The following CYP2C18 variants were observed in gnomAD, a reference collection of about 807,000 sequenced individuals.
CYP2C18 encodes cytochrome P450 2C18.
In CYP2C18, 38 loss-of-function variants were observed where a neutral mutation model predicts 41.3. The ratio of observed to expected loss-of-function variants is 0.92; its 90% CI spans 0.71 to 1.21. The LOEUF (loss-of-function observed/expected upper bound fraction) is 1.21. Ranked by LOEUF, CYP2C18 falls within the 50% of genes most tolerant of loss-of-function variation. The pLI is 0.00. For missense variants in CYP2C18, 635 were observed against 591.4 expected (o/e 1.07, Z -0.77); for synonymous variants, 236 against 210.0 (o/e 1.12, Z -1.07).
At chr10:94,723,681 C>T (rs1847685583) in intron 6 of CYP2C18, among the ~76,000 whole-genome samples, 1 of 151,926 alleles carries the variant, frequency 6.6e-6, no homozygotes, top group Non-Finnish European at 1.5e-5. Context: ...AATGTGTGTG[C>T]ATGTTTCTGT....
At chr10:94,721,822 G>GGTGT (rs147568864) in intron 6 of CYP2C18, among the ~76,000 whole-genome samples, 1 of 150,720 alleles carries the variant, frequency 6.6e-6, no homozygotes, top group African/African-American at 2.4e-5. Context: ...AGTAGTGCAT[G>GGTGT]GTGTGTGTGT....
chr10:94,719,789 G>C (rs1440033780), intron 5 of CYP2C18, among the ~76,000 whole-genome samples: 1 of 152,064 alleles, frequency 6.6e-6, no homozygotes, highest in African/African-American at 2.4e-5. Flanking sequence ...TGCCCAGGCT[G>C]GTCTCGAACT....
At chr10:94,718,388 A>C (rs1847592077) in intron 5 of CYP2C18, among the ~76,000 whole-genome samples, 1 of 152,060 alleles carries the variant, frequency 6.6e-6, no homozygotes, top group African/African-American at 2.4e-5. Flanking sequence ...TGCCATCAGC[A>C]AACAGAGACA....
chr10:94,684,366 C>A (rs1361058984), intron 1 of CYP2C18, among the ~76,000 whole-genome samples: 1 of 152,128 alleles, frequency 6.6e-6, no homozygotes, highest in Non-Finnish European at 1.5e-5. Context: ...TCTCCACCTG[C>A]CAGCCTCTGG....
In CYP2C18 at chr10:94,733,301, C is replaced by T. The variant is rs1126545; in HGVS notation, c.1154C>T (p.Thr385Met). The T allele has an allele frequency of 0.16, 262,760 of 1,610,372 alleles. 23,809 individuals carry two copies. Among genetic ancestry groups the T allele is most frequent in the South Asian group, 0.32 (29,317 of 90,660 alleles). The change falls in exon 8 of 9, where the codon ACG (threonine) becomes ATG (methionine). Residue 385 changes from threonine (T) to methionine (M), a missense_variant. By Grantham distance (81) the Thr-to-Met change is moderately conservative. Coordinates refer to ENST00000285979, the MANE Select transcript of CYP2C18 (RefSeq NM_000772.3). ...TGTCTGTTTTGCTATTTTCAGGGCACGACCATAATAACATCCCTGACTTCT... is the reference window on the plus strand; with the variant it reads ...TGTCTGTTTTGCTATTTTCAGGGCATGACCATAATAACATCCCTGACTTCT... ...KFKNYLIPKG[T>M]TIITSLTSVL...
At chr10:94,684,055 A>G in intron 1 of CYP2C18, 68 bp downstream of exon 1, 1 of 1,149,206 alleles carries the variant, frequency 8.7e-7, no homozygotes, top group Non-Finnish European at 1.2e-6. Flanking sequence ...TTAAAGTTTT[A>G]TTTCATTTTA....
At position 94,706,961 on chromosome 10, in the gene CYP2C18, G is replaced by A. The variant is rs1847356118; in HGVS notation, c.819+1G>A. The stretch of plus-strand genomic sequence containing the variant: ...TTGTTTCCTGATCAAAATGGAACAG[G>A]TAAAATGTTATTTGTTTGCCTGCAT... On this transcript the variant is annotated splice_donor_variant, in intron 5 of 8. Coordinates refer to ENST00000285979, the MANE Select transcript of CYP2C18 (RefSeq NM_000772.3). LOFTEE classifies it high-confidence loss of function. 5.0e-6 allele frequency: 8 copies of A among 1,602,240 alleles called. No homozygotes were observed. The highest frequency in any genetic ancestry group is 6.8e-6 in the Non-Finnish European group (8 of 1,176,542).
intron 7 of CYP2C18, among the ~76,000 whole-genome samples, chr10:94,731,539 G>C (rs1208261136): frequency 6.6e-6 from 1 of 152,034 alleles, no homozygotes; most frequent in African/African-American, 2.4e-5. Context: ...AACAAAGCTG[G>C]AGTCGTCACG....
At chr10:94,699,835 A>T (rs1193796365) in intron 4 of CYP2C18, among the ~76,000 whole-genome samples, 1 of 152,214 alleles carries the variant, frequency 6.6e-6, no homozygotes, top group African/African-American at 2.4e-5. Flanking sequence ...CACCAATAAC[A>T]GAGAAACAGA....
chr10:94,709,411 A>G (rs897466614), intron 5 of CYP2C18, among the ~76,000 whole-genome samples: 1 of 152,150 alleles, frequency 6.6e-6, no homozygotes, highest in African/African-American at 2.4e-5. Context: ...TCTTTGGATA[A>G]AAGTATATTC....
At chr10:94,693,163 A>T (rs1847043360) in intron 3 of CYP2C18, among the ~76,000 whole-genome samples, 1 of 152,028 alleles carries the variant, frequency 6.6e-6, no homozygotes, top group Admixed American at 6.6e-5. Flanking sequence ...TAAAGTATAT[A>T]AAAAAAAGTG....
chr10:94,732,139 C>T (rs1847844447), intron 7 of CYP2C18, among the ~76,000 whole-genome samples: 1 of 152,010 alleles, frequency 6.6e-6, no homozygotes, highest in Admixed American at 6.6e-5. Flanking sequence ...AAACAGAAAA[C>T]AAATAATGCC....
chr10:94,706,732 A>C (rs1847349329), intron 4 of CYP2C18, 52 bp from the exon 5 acceptor site: 1 of 1,013,768 alleles, frequency 9.9e-7, no homozygotes, highest in Non-Finnish European at 1.4e-6. Context: ...GACTTATGGC[A>C]TATGTCTTCA....
chr10:94,701,995 T>TAA lies in CYP2C18; in HGVS notation c.643-4780_643-4779dup, dbSNP rs566454665. On this transcript the variant is annotated intron_variant, in intron 4 of 8. Coordinates refer to ENST00000285979, the MANE Select transcript of CYP2C18 (RefSeq NM_000772.3). ...TTGTTTCATAAAACAATGTCACTGG[T>TAA]AAAAAAAAAATAAAAAAGAAATTCT... is the stretch of plus-strand genomic sequence containing the variant. Among the ~76,000 whole-genome samples, 5 of 149,652 alleles carry TAA rather than the reference T, an allele frequency of 3.3e-5. No individual in the cohort carries two copies. The South Asian group carries it at 8.5e-4, about 25-fold the overall frequency.
chr10:94,699,562 A>T (rs148260422), intron 4 of CYP2C18, among the ~76,000 whole-genome samples: 3,995 of 152,268 alleles, frequency 0.026, 82 homozygotes, highest in South Asian at 0.042. Flanking sequence ...CTTTGAAAAC[A>T]GGCACAAGAC....
In CYP2C18 at chr10:94,698,038, T is replaced by C. The variant is rs563574708; in HGVS notation, c.642+2961T>C. Among the ~76,000 whole-genome samples, 8 of 152,280 alleles carry C rather than the reference T, an allele frequency of 5.3e-5. No homozygotes were observed. In the East Asian group the frequency reaches 1.5e-3, roughly 29 times the overall value. On this transcript the variant is annotated intron_variant, in intron 4 of 8. Transcript: ENST00000285979. ...CTCCCACACAATAATAATGGGAGAC[T>C]TTAACACCCCACTGTCAACATTAGA...
intron 3 of CYP2C18, among the ~76,000 whole-genome samples, chr10:94,691,706 G>A (rs201929080): frequency 0.021 from 3,157 of 152,158 alleles, 113 homozygotes; most frequent in African/African-American, 0.064. Flanking sequence ...AAAAGAGCCC[G>A]CATTGCCAAG....
intron 5 of CYP2C18, among the ~76,000 whole-genome samples, chr10:94,712,075 T>A (rs1847447498): frequency 6.7e-6 from 1 of 148,202 alleles, no homozygotes; most frequent in Non-Finnish European, 1.5e-5. Context: ...CTTGAACTTC[T>A]GGGCTCAAGC....
At chr10:94,696,226 C>A (rs547580382) in intron 4 of CYP2C18, among the ~76,000 whole-genome samples, 1 of 152,290 alleles carries the variant, frequency 6.6e-6, no homozygotes, top group South Asian at 2.1e-4. Flanking sequence ...CTGGGAGGCA[C>A]ACCCCAGTAG....
Sources: allele counts gnomAD v4.1 joint callset (sites outside exome capture counted in the v4.1 genomes callset), GRCh38; gene constraint gnomAD v4.1.1; transcripts MANE v1.5; gene names NCBI Gene and HGNC (gene_info 2026-07-23, HGNC 2026-07-21).